ACYP2: variants seen among roughly 807,000 people sequenced by gnomAD.
The protein encoded by ACYP2 is acylphosphatase-2.
ACYP2 carries 12 observed loss-of-function variants against 11.2 expected under a neutral mutation model. The observed-to-expected ratio is 1.08, with a 90% CI of 0.69 to 1.74. The LOEUF (loss-of-function observed/expected upper bound fraction) is 1.74. Among genes scored for constraint, ACYP2 ranks in the 40% most tolerant of loss-of-function variants. The pLI, the probability that ACYP2 is intolerant of heterozygous loss-of-function variation, is 0.00. For missense variants in ACYP2, 134 were observed against 101.9 expected (o/e 1.31, Z -1.35); for synonymous variants, 43 against 32.2 (o/e 1.33, Z -1.13).
At chr2:54,289,613 T>G (rs1423131720) in intron 6 of ACYP2, among the ~76,000 whole-genome samples, 1 of 151,990 alleles carries the variant, frequency 6.6e-6, no homozygotes, top group Non-Finnish European at 1.5e-5. Context: ...AGACTGAAAT[T>G]TGTGAGCATT....
intron 2 of ACYP2, among the ~76,000 whole-genome samples, chr2:53,974,168 A>T (rs1421559529): frequency 6.6e-6 from 1 of 151,150 alleles, no homozygotes; most frequent in Non-Finnish European, 1.5e-5. Context: ...CCCGCCTTGG[A>T]CTCCCAAAGT....
intron 2 of ACYP2, among the ~76,000 whole-genome samples, chr2:54,026,654 A>G (rs1223901309): frequency 6.6e-6 from 1 of 152,236 alleles, no homozygotes; most frequent in African/African-American, 2.4e-5. Context: ...ATATGGAACC[A>G]GCCCAAATGC....
At chr2:54,046,015 C>G (rs1028654807) in intron 2 of ACYP2, among the ~76,000 whole-genome samples, 2 of 149,850 alleles carry the variant, frequency 1.3e-5, no homozygotes, top group African/African-American at 4.9e-5. Flanking sequence ...TAAAAAAATA[C>G]AAAAATTAGT....
chr2:54,301,369 A>G (rs1689718525), intron 6 of ACYP2, among the ~76,000 whole-genome samples: 1 of 152,194 alleles, frequency 6.6e-6, no homozygotes, highest in South Asian at 2.1e-4. Context: ...TACCTTGACC[A>G]GAGTTAACCC....
chr2:54,050,763 G>A (rs561519620), intron 2 of ACYP2, among the ~76,000 whole-genome samples: 113 of 151,876 alleles, frequency 7.4e-4, no homozygotes, highest in South Asian at 3.5e-3. Flanking sequence ...AAATTCCTTT[G>A]TCTTTTTAAA....
At chr2:54,166,990 GA>G in intron 6 of ACYP2, 1 of 149,868 alleles carries the variant, frequency 6.7e-6, no homozygotes, top group African/African-American at 2.5e-5. Flanking sequence ...GACAAATTCT[GA>G]AAAAGCTGTA....
intron 4 of ACYP2, among the ~76,000 whole-genome samples, chr2:54,066,771 T>C (rs1481953677): frequency 1.3e-5 from 2 of 152,212 alleles, no homozygotes; most frequent in African/African-American, 4.8e-5. Context: ...AAAATTTAAG[T>C]GGCTAAAAGA....
intron 4 of ACYP2, among the ~76,000 whole-genome samples, chr2:54,098,922 C>G (rs964341135): frequency 6.6e-6 from 1 of 151,994 alleles, no homozygotes; most frequent in African/African-American, 2.4e-5. Flanking sequence ...GAGATGAGGT[C>G]TTGCTATGTT....
At chr2:53,971,883 A>G (rs1671146610) in intron 1 of ACYP2, among the ~76,000 whole-genome samples, 1 of 152,234 alleles carries the variant, frequency 6.6e-6, no homozygotes, top group African/African-American at 2.4e-5. Flanking sequence ...CAAAGTTCAA[A>G]ATAGCGTAAG....
chr2:54,013,283 G>A (rs1451295948), intron 2 of ACYP2, among the ~76,000 whole-genome samples: 2,244 of 143,708 alleles, frequency 0.016, 89 homozygotes, highest in African/African-American at 0.055. Context: ...GTGTGTGTGT[G>A]TGTGTGTGTG....
intron 6 of ACYP2, chr2:54,141,834 T>C: frequency 5.6e-6 from 3 of 539,558 alleles, no homozygotes; most frequent in South Asian, 2.9e-5. Flanking sequence ...AAGATAAACT[T>C]TATGTATTTA....
At chr2:53,972,952 A>G (rs1183960136) in intron 1 of ACYP2, among the ~76,000 whole-genome samples, 2 of 151,804 alleles carry the variant, frequency 1.3e-5, no homozygotes, top group East Asian at 3.9e-4. Context: ...GATGGACGAC[A>G]GGAGGGAAGG....
intron 3 of ACYP2, among the ~76,000 whole-genome samples, chr2:54,056,982 C>A (rs1325107584): frequency 6.6e-6 from 1 of 152,116 alleles, no homozygotes; most frequent in South Asian, 2.1e-4. Context: ...CAATATCTTG[C>A]TCACACCAAA....
intron 6 of ACYP2, among the ~76,000 whole-genome samples, chr2:54,207,358 G>C (rs1358595935): frequency 6.6e-6 from 1 of 152,076 alleles, no homozygotes; most frequent in African/African-American, 2.4e-5. Context: ...CTATGTTGTA[G>C]TCTGGAGGCA....
chr2:54,201,249 G>A (rs1372281264), intron 6 of ACYP2, among the ~76,000 whole-genome samples: 1 of 152,042 alleles, frequency 6.6e-6, no homozygotes, highest in East Asian at 1.9e-4. Context: ...GGGACCATAG[G>A]CGCCCGCCAC....
chr2:54,225,477 A>G (rs1685975149), intron 6 of ACYP2, among the ~76,000 whole-genome samples: 1 of 152,138 alleles, frequency 6.6e-6, no homozygotes, highest in South Asian at 2.1e-4. Flanking sequence ...CAGCATCAGC[A>G]TGATCTTCTT....
intron 2 of ACYP2, among the ~76,000 whole-genome samples, chr2:53,975,088 G>A (rs1296127558): frequency 1.3e-5 from 2 of 152,078 alleles, no homozygotes; most frequent in Non-Finnish European, 2.9e-5. Flanking sequence ...AGCCTGGCAT[G>A]GTGGCGTGCG....
intron 4 of ACYP2, among the ~76,000 whole-genome samples, chr2:54,109,377 A>C (rs555961623): frequency 6.6e-6 from 1 of 152,290 alleles, no homozygotes; most frequent in Non-Finnish European, 1.5e-5. Flanking sequence ...GCAAAGGCAT[A>C]AAAATGACAC....
chr2:54,244,123 T>C (rs1177883976), intron 6 of ACYP2, among the ~76,000 whole-genome samples: 1 of 152,202 alleles, frequency 6.6e-6, no homozygotes, highest in Non-Finnish European at 1.5e-5. Flanking sequence ...CTTAATTTTA[T>C]TAAAAACACC....
Sources: allele counts gnomAD v4.1 joint callset (sites outside exome capture counted in the v4.1 genomes callset), GRCh38; gene constraint gnomAD v4.1.1; transcripts MANE v1.5; gene names NCBI Gene and HGNC (gene_info 2026-07-23, HGNC 2026-07-21).